The following PTPRM variants were observed in gnomAD, a reference collection of about 807,000 sequenced individuals.
PTPRM encodes receptor-type tyrosine-protein phosphatase mu.
A neutral mutation model predicts 186.7 loss-of-function variants in PTPRM; 47 were observed. That is an observed-to-expected ratio of 0.25 (90% CI 0.20 to 0.32). The LOEUF is 0.32. Among genes scored for constraint, PTPRM ranks in the 10% least tolerant of loss-of-function variants. PTPRM has a pLI of 1.00. For missense variants in PTPRM, 1,494 were observed against 1,865.0 expected (o/e 0.80, Z 3.66); for synonymous variants, 668 against 674.9 (o/e 0.99, Z 0.16).
intron 1 of PTPRM, among the ~76,000 whole-genome samples, chr18:7,642,146 A>C (rs1295711540): frequency 6.6e-6 from 1 of 152,200 alleles, no homozygotes; most frequent in Non-Finnish European, 1.5e-5. Context: ...AGAAAATTGA[A>C]TATTTCTGAG....
At chr18:7,661,989 C>T (rs967428263) in intron 1 of PTPRM, among the ~76,000 whole-genome samples, 1 of 152,204 alleles carries the variant, frequency 6.6e-6, no homozygotes, top group East Asian at 1.9e-4. Flanking sequence ...ACAATCACAG[C>T]TCACTGCAGC....
rs139199365 is a variant in PTPRM, at chr18:8,252,310, A to G, written c.2555-178A>G. On this transcript the variant is annotated intron_variant, in intron 17 of 32. Coordinates refer to ENST00000580170, the MANE Select transcript of PTPRM (RefSeq NM_001105244.2). Reference sequence around the variant, plus strand: ...TGGAGTACTTAAATTCAATGCCTCCATCCTAACGTGATGGAAGAATTGAGG... The same window carrying G: ...TGGAGTACTTAAATTCAATGCCTCCGTCCTAACGTGATGGAAGAATTGAGG... Among the ~76,000 whole-genome samples the G allele has an allele frequency of 7.5e-4, 114 of 152,370 alleles. 1 individual carries two copies. The highest frequency in any genetic ancestry group is 2.5e-3 in the African/African-American group (106 of 41,588).
chr18:7,819,051 G>A (rs750370149), intron 2 of PTPRM, among the ~76,000 whole-genome samples: 9 of 152,220 alleles, frequency 5.9e-5, no homozygotes, highest in Non-Finnish European at 1.3e-4. Flanking sequence ...TGTCTAGATG[G>A]TCAGTATGGT....
At chr18:8,131,408 G>C (rs900200286) in intron 13 of PTPRM, among the ~76,000 whole-genome samples, 5 of 152,338 alleles carry the variant, frequency 3.3e-5, no homozygotes, top group Admixed American at 1.3e-4. Context: ...TGTTGGTGAT[G>C]CTGATGAATA....
chr18:8,105,838 T>C (rs1038396106), intron 11 of PTPRM, among the ~76,000 whole-genome samples: 4 of 152,250 alleles, frequency 2.6e-5, no homozygotes, highest in East Asian at 1.9e-4. Flanking sequence ...TATTTTGATA[T>C]AACTTTAAGG....
Position 8,387,056 on chromosome 18 carries a change from G to C in PTPRM, c.4045-16G>C. The C allele has an allele frequency of 6.3e-7, 1 of 1,581,442 alleles. No homozygotes were observed. The highest frequency in any genetic ancestry group is 8.7e-7 in the Non-Finnish European group (1 of 1,151,190). ...GTTTTCTTTCCACTCCCCGATTGTTGCCTTGTTCTTCGTAGCCCCAAGATG... is the reference window on the plus strand; with the variant it reads ...GTTTTCTTTCCACTCCCCGATTGTTCCCTTGTTCTTCGTAGCCCCAAGATG... On this transcript the variant is annotated splice_polypyrimidine_tract_variant and intron_variant, in intron 30 of 32. Coordinates refer to ENST00000580170, the MANE Select transcript of PTPRM (RefSeq NM_001105244.2).
intron 14 of PTPRM, among the ~76,000 whole-genome samples, chr18:8,243,414 T>C (rs1051476497): frequency 1.3e-5 from 2 of 152,208 alleles, no homozygotes; most frequent in Non-Finnish European, 2.9e-5. Flanking sequence ...TCTGGGTTCA[T>C]TTGGGATTTG....
At chr18:7,635,505 C>T (rs1198125487) in intron 1 of PTPRM, among the ~76,000 whole-genome samples, 1 of 152,096 alleles carries the variant, frequency 6.6e-6, no homozygotes, top group Non-Finnish European at 1.5e-5. Context: ...CCTTCTTGGC[C>T]TGTCATTTAT....
In PTPRM at chr18:7,567,477, G is replaced by A. The variant is rs2036453215; in HGVS notation, c.-342G>A. 5.1e-6 allele frequency: 1 copy of A among 196,514 alleles called. No homozygotes were observed. 12.2% of individuals were successfully genotyped at this position (196,514 alleles called of 1,614,324 possible). The stretch of plus-strand genomic sequence containing the variant: ...GCCACGGCCACGGCCGGCAGCTCGG[G>A]TCCCGGGTCCCGGGCAGGGGAAGGG... On this transcript the variant is annotated 5_prime_UTR_variant, in exon 1 of 33. Coordinates refer to ENST00000580170, the MANE Select transcript of PTPRM (RefSeq NM_001105244.2). This position sits in a 1 kb window ranked among gnomAD's most constrained non-coding sequence, Gnocchi z 4.3.
intron 22 of PTPRM, among the ~76,000 whole-genome samples, chr18:8,339,756 C>CCCA (rs60947697): frequency 0.29 from 44,292 of 151,714 alleles, 7,314 homozygotes; most frequent in Middle Eastern, 0.52. Context: ...TCACTCAGAC[C>CCCA]CCACCAGGAG....
chr18:8,154,549 G>A lies in PTPRM; in HGVS notation c.2300+10770G>A, dbSNP rs575442625. On this transcript the variant is annotated intron_variant, in intron 14 of 32. Coordinates refer to ENST00000580170, the MANE Select transcript of PTPRM (RefSeq NM_001105244.2). ...TCGCCTGCTAGCTTGGGAGCAGGAG[G>A]ACAGCAAATTCAAACACTGGAAAAT... The A allele has an allele frequency of 3.3e-5, 5 of 152,336 alleles. No individual in the cohort carries two copies. In the South Asian group the frequency reaches 1.0e-3, roughly 32 times the overall value. 9.4% of individuals were successfully genotyped at this position (152,336 alleles called of 1,614,324 possible). A position where few individuals can be genotyped will look rare whatever the true frequency, so the allele number is the denominator to read the frequency against.
intron 19 of PTPRM, among the ~76,000 whole-genome samples, chr18:8,257,800 AT>A (rs1490528483): frequency 9.8e-5 from 15 of 152,306 alleles, no homozygotes; most frequent in African/African-American, 3.6e-4. Context: ...TGAAGTAGTG[AT>A]GTTCTCTCTG....
At chr18:7,972,703 T>C (rs1017839936) in intron 7 of PTPRM, among the ~76,000 whole-genome samples, 18 of 152,242 alleles carry the variant, frequency 1.2e-4, no homozygotes, top group Middle Eastern at 3.4e-3. Flanking sequence ...TTAATGTTTA[T>C]ATCTTGTTAA....
At chr18:7,700,993 A>AAAAAAAAAAAAAG (rs10653685) in intron 1 of PTPRM, among the ~76,000 whole-genome samples, 98 of 107,322 alleles carry the variant, frequency 9.1e-4, no homozygotes, top group East Asian at 4.3e-3. Flanking sequence ...AAAAAAAAAA[A>AAAAAAAAAAAAAG]AAAGAAAGAA....
intron 2 of PTPRM, among the ~76,000 whole-genome samples, chr18:7,776,607 GAGGA>G (rs2042595313): frequency 6.6e-6 from 1 of 151,960 alleles, no homozygotes; most frequent in Admixed American, 6.6e-5. Flanking sequence ...TATTGTAGGA[GAGGA>G]AGGATTATAA....
At chr18:7,720,502 A>T (rs1042323845) in intron 1 of PTPRM, among the ~76,000 whole-genome samples, 3 of 152,210 alleles carry the variant, frequency 2.0e-5, no homozygotes, top group Non-Finnish European at 1.5e-5. Flanking sequence ...TCCATACTAC[A>T]TAAAATTTGC....
chr18:7,942,933 C>G (rs777497791), intron 5 of PTPRM, among the ~76,000 whole-genome samples: 1 of 152,248 alleles, frequency 6.6e-6, no homozygotes, highest in Admixed American at 6.5e-5. Flanking sequence ...GTTGCTCTTG[C>G]ACCTGACACA....
intron 19 of PTPRM, among the ~76,000 whole-genome samples, chr18:8,294,816 G>A (rs1961142): frequency 0.2 from 29,747 of 152,004 alleles, 3,199 homozygotes; most frequent in South Asian, 0.29. Flanking sequence ...ATTTTTTTCA[G>A]TCTTCTGTGT....
At chr18:7,637,123 G>C (rs1298745521) in intron 1 of PTPRM, among the ~76,000 whole-genome samples, 1 of 143,606 alleles carries the variant, frequency 7.0e-6, no homozygotes, top group East Asian at 2.1e-4. Context: ...AGCTGAGACT[G>C]CACCACTGCA....
Sources: allele counts gnomAD v4.1 joint callset (sites outside exome capture counted in the v4.1 genomes callset), GRCh38; gene constraint gnomAD v4.1.1; non-coding constraint Gnocchi (gnomAD v3.1); transcripts MANE v1.5; gene names NCBI Gene and HGNC (gene_info 2026-07-23, HGNC 2026-07-21).